DYRK1A: variants seen among roughly 807,000 people sequenced by gnomAD.
The protein encoded by DYRK1A is dual specificity tyrosine phosphorylation regulated kinase 1A.
DYRK1A carries 9 observed loss-of-function variants against 79.7 expected under a neutral mutation model. That is an observed-to-expected ratio of 0.11 (90% confidence interval 0.07 to 0.20). The LOEUF is 0.20. DYRK1A is among the 10% of genes least tolerant of loss of function. DYRK1A has a pLI of 1.00. For synonymous variants in DYRK1A, 349 were observed against 329.7 expected, an observed-to-expected ratio of 1.06 and a Z score of -0.63; for missense variants, 622 against 956.0, an observed-to-expected ratio of 0.65 and a Z score of 4.61.
intron 1 of DYRK1A, among the ~76,000 whole-genome samples, chr21:37,399,154 GA>G (rs1453991754): frequency 0.015 from 1 of 68 alleles, no homozygotes; most frequent in African/African-American, 0.045. Flanking sequence ...TGAGTAGAGA[GA>G]GCAGAGCCCT....
At chr21:37,497,608 G>C (rs2053311987) in intron 9 of DYRK1A, among the ~76,000 whole-genome samples, 1 of 152,158 alleles carries the variant, frequency 6.6e-6, no homozygotes, top group Non-Finnish European at 1.5e-5. Flanking sequence ...GATACAGGCT[G>C]CTGCTTTCTC....
intron 5 of DYRK1A, among the ~76,000 whole-genome samples, chr21:37,482,611 G>A (rs55892084): frequency 0.44 from 66,997 of 152,052 alleles, 15,533 homozygotes; most frequent in East Asian, 0.57. Flanking sequence ...CACTGTCATT[G>A]ATAACATCTT....
intron 2 of DYRK1A, among the ~76,000 whole-genome samples, chr21:37,426,531 C>G (rs1254814275): frequency 6.6e-6 from 1 of 151,822 alleles, no homozygotes; most frequent in Non-Finnish European, 1.5e-5. Flanking sequence ...GGTGATAACC[C>G]AGGAAAGAGA....
intron 1 of DYRK1A, among the ~76,000 whole-genome samples, chr21:37,375,752 C>A (rs2049526238): frequency 6.6e-6 from 1 of 151,842 alleles, no homozygotes; most frequent in South Asian, 2.1e-4. Context: ...GTCTCCAACT[C>A]CTGACCTTGG....
chr21:37,400,702 A>G (rs2148400050), intron 1 of DYRK1A, among the ~76,000 whole-genome samples: 1 of 152,360 alleles, frequency 6.6e-6, no homozygotes, highest in African/African-American at 2.4e-5. Flanking sequence ...AGTATTAAAA[A>G]TGAGTCTGAG....
intron 2 of DYRK1A, among the ~76,000 whole-genome samples, chr21:37,467,981 C>T (rs936647566): frequency 4.6e-5 from 7 of 152,234 alleles, no homozygotes; most frequent in African/African-American, 9.6e-5. Context: ...TCCATCATTG[C>T]GGAAAATTCT....
intron 7 of DYRK1A, among the ~76,000 whole-genome samples, chr21:37,491,856 A>T (rs963440589): frequency 6.6e-6 from 1 of 152,220 alleles, no homozygotes; most frequent in Non-Finnish European, 1.5e-5. Flanking sequence ...AAAATGAGCC[A>T]GTTATCCCTA....
chr21:37,479,619 G>GTTTTTGTTTTTTTTTTTTTTTTTTT (rs2052550822), intron 4 of DYRK1A, among the ~76,000 whole-genome samples: 1 of 73,924 alleles, frequency 1.4e-5, no homozygotes, highest in Non-Finnish European at 2.3e-5. Flanking sequence ...TTTGTTTTTT[G>GTTTTTGTTTTTTTTTTTTTTTTTTT]TTTTTTTTTT....
chr21:37,417,529 C>CTTTTTTTTTTTTTTTTTTTTT (rs3216074), intron 1 of DYRK1A, among the ~76,000 whole-genome samples: 1 of 44,070 alleles, frequency 2.3e-5, no homozygotes, highest in African/African-American at 1.0e-4. Flanking sequence ...TTTTCTTTTT[C>CTTTTTTTTTTTTTTTTTTTTT]TTTTTTTTTT....
intron 2 of DYRK1A, among the ~76,000 whole-genome samples, chr21:37,449,340 T>C (rs1187956548): frequency 6.6e-6 from 1 of 152,216 alleles, no homozygotes; most frequent in Non-Finnish European, 1.5e-5. Flanking sequence ...TGACTGTTAG[T>C]ACAATGGGAT....
At chr21:37,397,994 C>T (rs1243533411) in intron 1 of DYRK1A, among the ~76,000 whole-genome samples, 1 of 150,958 alleles carries the variant, frequency 6.6e-6, no homozygotes, top group Non-Finnish European at 1.5e-5. Flanking sequence ...TCCCAGCAAA[C>T]TTTGGGGGGC....
In DYRK1A at chr21:37,519,736, G is replaced by GTTTTTTTTGTTT. The variant is rs58947386; in HGVS notation, c.*7213_*7214insGTTTTTTTTTTT. 1.5e-4 allele frequency: 13 copies of GTTTTTTTTGTTT among 85,794 alleles called. No individual in the cohort carries two copies. The highest frequency in any genetic ancestry group is 4.9e-4 in the African/African-American group (10 of 20,606). The allele number at this position is 85,794 out of a possible 1,614,324, so 5.3% of individuals were successfully genotyped here. A position where few individuals can be genotyped will look rare whatever the true frequency, so the allele number is the denominator to read the frequency against. On this transcript the variant is annotated 3_prime_UTR_variant, in exon 12 of 12. Transcript: ENST00000647188. ...AGAGTTTTGAGGTTTGTTGTGGGAA[G>GTTTTTTTTGTTT]TTTTTTTTTTTTTTTTTTTTTTTGA...
At chr21:37,408,565 T>C (rs552290146) in intron 1 of DYRK1A, among the ~76,000 whole-genome samples, 4 of 152,226 alleles carry the variant, frequency 2.6e-5, no homozygotes, top group African/African-American at 9.6e-5. Flanking sequence ...TTTATAATTA[T>C]ATAAATTTTT....
At position 37,403,648 on chromosome 21, in the gene DYRK1A, AAT is replaced by A. The variant is rs1245905666; in HGVS notation, c.-76-16636_-76-16635del. On this transcript the variant is annotated intron_variant, in intron 1 of 11. Coordinates refer to ENST00000647188, the MANE Select transcript of DYRK1A (RefSeq NM_001347721.2). ...GCTCAGCTAATTAAAAAAAAAAAAA[AAT>A]ATATATATATATATGTGTGTGTGTG... 7.1e-3 allele frequency among the ~76,000 whole-genome samples: 597 copies of A among 84,578 alleles called. 6 individuals carry two copies. Among genetic ancestry groups the A allele is most frequent in the Middle Eastern group, 0.026 (5 of 196 alleles). The allele number at this position is 84,578 out of a possible 152,430, so 55.5% of individuals were successfully genotyped here. A position where few individuals can be genotyped will look rare whatever the true frequency, so the allele number is the denominator to read the frequency against.
At chr21:37,494,388 C>G (rs887392189) in intron 8 of DYRK1A, among the ~76,000 whole-genome samples, 3 of 152,104 alleles carry the variant, frequency 2.0e-5, no homozygotes, top group Non-Finnish European at 4.4e-5. Flanking sequence ...CCTACTTCCT[C>G]TGATGCCAGT....
rs898719893 is a variant in DYRK1A, at chr21:37,515,610, A to T, written c.*3079A>T. 2.6e-5 allele frequency: 4 copies of T among 152,184 alleles called. No individual in the cohort carries two copies. The highest frequency in any genetic ancestry group is 4.4e-5 in the Non-Finnish European group (3 of 68,032). The allele number at this position is 152,184 out of a possible 1,614,324, so 9.4% of individuals were successfully genotyped here. On this transcript the variant is annotated 3_prime_UTR_variant, in exon 12 of 12. Coordinates refer to ENST00000647188, the MANE Select transcript of DYRK1A (RefSeq NM_001347721.2). ...CTAGAATTCTTGCCACTGTGATTCA[A>T]TTGCTAACCTAAAGTCTTCTCTTTT...
chr21:37,444,390 G>A (rs2051199770), intron 2 of DYRK1A, among the ~76,000 whole-genome samples: 1 of 152,194 alleles, frequency 6.6e-6, no homozygotes, highest in African/African-American at 2.4e-5. Context: ...CATCTGGAGT[G>A]AGGAATTCAT....
intron 2 of DYRK1A, among the ~76,000 whole-genome samples, chr21:37,464,534 A>T (rs1447242567): frequency 6.6e-6 from 1 of 152,212 alleles, no homozygotes; most frequent in African/African-American, 2.4e-5. Flanking sequence ...AATACTTTGG[A>T]ACTGCACTCC....
At position 37,478,317 on chromosome 21, in the gene DYRK1A, TATA is replaced by T. The variant is rs770090676; in HGVS notation, c.300+22_300+24del. ...ATTAATGAGGTAAGACTTGATTTGT[TATA>T]ATAACATCTATCTTGCAGTATGTCA... On this transcript the variant is annotated intron_variant, in intron 4 of 11. Coordinates refer to ENST00000647188, the MANE Select transcript of DYRK1A (RefSeq NM_001347721.2). 49 of 1,608,364 alleles carry T rather than the reference TATA, an allele frequency of 3.0e-5. No homozygotes were observed. The Middle Eastern group carries it at 6.6e-4, about 22-fold the overall frequency.
Sources: allele counts gnomAD v4.1 joint callset (sites outside exome capture counted in the v4.1 genomes callset), GRCh38; gene constraint gnomAD v4.1.1; transcripts MANE v1.5; gene names NCBI Gene and HGNC (gene_info 2026-07-23, HGNC 2026-07-21).